HS6ST1: variants seen among roughly 807,000 people sequenced by gnomAD.
HS6ST1 encodes the protein heparan-sulfate 6-O-sulfotransferase 1.
Under a neutral mutation model 25.2 loss-of-function variants are expected in HS6ST1, and 3 were observed. The observed-to-expected ratio is 0.12, with a 90% CI of 0.05 to 0.31. HS6ST1 has a LOEUF of 0.31. Among genes scored for constraint, HS6ST1 ranks in the 10% least tolerant of loss-of-function variants. HS6ST1 has a pLI of 1.00. For synonymous variants in HS6ST1, 204 were observed against 275.1 expected (o/e 0.74, Z 2.56); for missense variants, 310 against 609.6 (o/e 0.51, Z 5.18).
chr2:128,305,898 A>C (rs1573707760), intron 1 of HS6ST1, among the ~76,000 whole-genome samples: 1 of 151,658 alleles, frequency 6.6e-6, no homozygotes. Flanking sequence ...CAGCTGCGTT[A>C]CCCTCCCAGA....
At chr2:128,287,607 A>T (rs1693884254) in intron 1 of HS6ST1, among the ~76,000 whole-genome samples, 1 of 152,168 alleles carries the variant, frequency 6.6e-6, no homozygotes, top group African/African-American at 2.4e-5. Context: ...CCAGCTAGAG[A>T]CGCCGGGTCC....
chr2:128,301,786 C>T (rs1046156997), intron 1 of HS6ST1, among the ~76,000 whole-genome samples: 10 of 152,148 alleles, frequency 6.6e-5, no homozygotes, highest in South Asian at 2.1e-4. Flanking sequence ...TGATCCTGCC[C>T]GCTGGGCCCA....
At position 128,268,204 on chromosome 2, in the gene HS6ST1, C is replaced by T. The variant is rs370255491; in HGVS notation, c.1194G>A (p.Val398=). 51 of 1,610,058 alleles carry T rather than the reference C, an allele frequency of 3.2e-5. No homozygotes were observed. The highest frequency in any genetic ancestry group is 4.2e-4 in the Middle Eastern group (2 of 4,804). Residue 398 remains valine, a synonymous_variant, in exon 2 of 2, where the codon GTG becomes GTA. Transcript: ENST00000259241. ...TGTGGCTCATGTAGTCCTCGGTGGG[C>T]ACGCGGCCCGGCTCGTCGGCATCCT... ...PREDADEPGR[V]PTEDYMSHII... is the part of the protein sequence containing the mutation.
At chr2:128,311,027 C>A (rs1390833968) in intron 1 of HS6ST1, among the ~76,000 whole-genome samples, 1 of 152,144 alleles carries the variant, frequency 6.6e-6, no homozygotes, top group Non-Finnish European at 1.5e-5. Flanking sequence ...CTGCAAAACC[C>A]TGTGTGTGGG....
chr2:128,289,705 C>G (rs1038984252), intron 1 of HS6ST1: 5 of 152,208 alleles, frequency 3.3e-5, no homozygotes, highest in Admixed American at 6.5e-5. Context: ...GACAATATGC[C>G]TCCTGGAGGT....
intron 1 of HS6ST1, among the ~76,000 whole-genome samples, chr2:128,305,698 C>A (rs973569787): frequency 1.3e-5 from 2 of 152,236 alleles, no homozygotes; most frequent in Admixed American, 1.3e-4. Flanking sequence ...TCAACTCCCC[C>A]GGGAGACCAT....
At chr2:128,306,067 T>G (rs1353582126) in intron 1 of HS6ST1, among the ~76,000 whole-genome samples, 1 of 151,948 alleles carries the variant, frequency 6.6e-6, no homozygotes, top group Non-Finnish European at 1.5e-5. Context: ...AGGTGATGAG[T>G]TATTTAGGCT....
At chr2:128,275,803 C>A (rs1693686017) in intron 1 of HS6ST1, among the ~76,000 whole-genome samples, 1 of 152,212 alleles carries the variant, frequency 6.6e-6, no homozygotes, top group Admixed American at 6.5e-5. Context: ...AGAAGGTACA[C>A]ATTCCCCAAG....
At chr2:128,289,719 A>G (rs1398944191) in intron 1 of HS6ST1, 1 of 152,208 alleles carries the variant, frequency 6.6e-6, no homozygotes, top group East Asian at 1.9e-4. Context: ...TGGAGGTCAC[A>G]GCATGACGCT....
At chr2:128,274,930 A>G (rs899635432) in intron 1 of HS6ST1, among the ~76,000 whole-genome samples, 2 of 139,844 alleles carry the variant, frequency 1.4e-5, no homozygotes, top group Non-Finnish European at 1.5e-5. Flanking sequence ...GTGAGCTGAG[A>G]TCGCATCTGG....
chr2:128,295,082 G>A (rs549762591), intron 1 of HS6ST1, among the ~76,000 whole-genome samples: 211 of 152,300 alleles, frequency 1.4e-3, no homozygotes, highest in African/African-American at 4.9e-3. Context: ...ACCAGCAACT[G>A]AGTGACCATG....
intron 1 of HS6ST1, among the ~76,000 whole-genome samples, chr2:128,279,639 A>G (rs1411673734): frequency 6.6e-6 from 1 of 152,110 alleles, no homozygotes; most frequent in Non-Finnish European, 1.5e-5. Context: ...ACCCTACTCC[A>G]GGTCAGGCAC....
chr2:128,281,022 G>C (rs1265152840), intron 1 of HS6ST1, among the ~76,000 whole-genome samples: 1 of 152,264 alleles, frequency 6.6e-6, no homozygotes, highest in East Asian at 1.9e-4. Flanking sequence ...AGCAACACCA[G>C]AGAGGCCAAG....
chr2:128,312,760 T>TA (rs935808160), intron 1 of HS6ST1, among the ~76,000 whole-genome samples: 3 of 151,736 alleles, frequency 2.0e-5, no homozygotes, highest in South Asian at 2.1e-4. Flanking sequence ...AGAATAAATT[T>TA]AAAAAAAAAT....
chr2:128,318,359 A>G lies in HS6ST1; in HGVS notation c.205T>C (p.Tyr69His). 1.9e-6 allele frequency: 3 copies of G among 1,612,210 alleles called. No homozygotes were observed. Among genetic ancestry groups the G allele is most frequent in the Non-Finnish European group, 2.5e-6 (3 of 1,179,624 alleles). The change falls in exon 1 of 2, where the codon TAC (tyrosine) becomes CAC (histidine). Residue 69 changes from tyrosine (Y) to histidine (H), a missense_variant. Transcript: ENST00000259241. This position sits in a 1 kb window ranked among gnomAD's most constrained non-coding sequence, Gnocchi z 5.7. ...TPDPHYEKKY[Y>H]FPVRELERSL... The stretch of plus-strand genomic sequence containing the variant: ...CGCTCCAGCTCGCGGACCGGGAAGT[A>G]GTACTTCTTCTCGTAGTGGGGGTCG...
At chr2:128,315,005 T>A (rs1243758445) in intron 1 of HS6ST1, among the ~76,000 whole-genome samples, 1 of 152,218 alleles carries the variant, frequency 6.6e-6, no homozygotes, top group Non-Finnish European at 1.5e-5. Flanking sequence ...TGTGGGGTGC[T>A]GAGACATTCT....
At chr2:128,314,573 C>T (rs1283779277) in intron 1 of HS6ST1, among the ~76,000 whole-genome samples, 3 of 152,146 alleles carry the variant, frequency 2.0e-5, no homozygotes, top group African/African-American at 7.2e-5. Context: ...ACCAGGTGGA[C>T]GGCACACAGG....
At chr2:128,307,578 C>T (rs570175385) in intron 1 of HS6ST1, among the ~76,000 whole-genome samples, 1 of 152,208 alleles carries the variant, frequency 6.6e-6, no homozygotes, top group Non-Finnish European at 1.5e-5. Context: ...CGAACCAATA[C>T]GCGAAGCACA....
At chr2:128,279,879 GCA>G (rs1043382113) in intron 1 of HS6ST1, among the ~76,000 whole-genome samples, 1 of 152,188 alleles carries the variant, frequency 6.6e-6, no homozygotes, top group African/African-American at 2.4e-5. Context: ...GACCGCGTGA[GCA>G]CCCGGCCACA....
Sources: allele counts gnomAD v4.1 joint callset (sites outside exome capture counted in the v4.1 genomes callset), GRCh38; gene constraint gnomAD v4.1.1; non-coding constraint Gnocchi (gnomAD v3.1); transcripts MANE v1.5; gene names NCBI Gene and HGNC (gene_info 2026-07-23, HGNC 2026-07-21).